Variants in TRPV4 observed in about 807,000 individuals in gnomAD.
TRPV4 encodes the protein transient receptor potential cation channel subfamily V member 4.
TRPV4 carries 58 observed loss-of-function variants against 84.1 expected under a neutral mutation model. That is an observed-to-expected ratio of 0.69 (90% CI 0.56 to 0.86). The LOEUF is 0.86. TRPV4 is among the 40% of genes least tolerant of loss of function. TRPV4 has a pLI of 0.00. For missense variants in TRPV4, 879 were observed against 1,181.1 expected, an observed-to-expected ratio of 0.74 and a Z score of 3.75; for synonymous variants, 489 against 500.9, an observed-to-expected ratio of 0.98 and a Z score of 0.32.
At chr12:109,784,236 G>T in intron 15 of TRPV4, 80 bp downstream of exon 15, 1 of 1,602,298 alleles carries the variant, frequency 6.2e-7, no homozygotes, top group Non-Finnish European at 8.5e-7. Context: ...ACTGAGTCCC[G>T]GAAAGAAGCA....
chr12:109,791,100 T>C (rs60117719), intron 12 of TRPV4, among the ~76,000 whole-genome samples: 4,193 of 152,208 alleles, frequency 0.028, 202 homozygotes, highest in African/African-American at 0.095. Flanking sequence ...AATAGTAAGT[T>C]GGCCTGGTAC....
At chr12:109,799,765 C>A (rs1392129609) in intron 5 of TRPV4, among the ~76,000 whole-genome samples, 2 of 151,608 alleles carry the variant, frequency 1.3e-5, no homozygotes, top group African/African-American at 4.8e-5. Flanking sequence ...TTGTTCTTTT[C>A]TTTTTGCTTT....
At chr12:109,810,929 ACTCTGCTG>A (rs1359402440) in intron 2 of TRPV4, among the ~76,000 whole-genome samples, 1 of 151,950 alleles carries the variant, frequency 6.6e-6, no homozygotes, top group African/African-American at 2.4e-5. Context: ...AACACTGGGC[ACTCTGCTG>A]CTCTGGCCCT....
intron 1 of TRPV4, among the ~76,000 whole-genome samples, chr12:109,824,185 G>A (rs1253584623): frequency 1.1e-4 from 17 of 151,896 alleles, no homozygotes; most frequent in Admixed American, 7.2e-4. Flanking sequence ...GGCTGGTCTC[G>A]AACTCCTGAC....
In TRPV4 at chr12:109,800,722, C is replaced by A. The variant is rs937032628; in HGVS notation, c.749G>T (p.Cys250Phe). 6.8e-6 allele frequency: 11 copies of A among 1,614,042 alleles called. No homozygotes were observed. Among genetic ancestry groups the A allele is most frequent in the Non-Finnish European group, 9.3e-6 (11 of 1,180,028 alleles). The change falls in exon 5 of 16, where the codon TGC becomes TTC. Residue 250 changes from cysteine (C) to phenylalanine (F), a missense_variant. Transcript: ENST00000261740. ...CACGAGAAGTTCCACGTAGTGTTTG[C>A]AGCGACGCTCAATGGCGATGTGCAG... Reference protein sequence around the residue: ...TALHIAIERRCKHYVELLVAQ... With the variant: ...TALHIAIERRFKHYVELLVAQ...
chr12:109,827,022 GATGA>G (rs368514736), intron 1 of TRPV4, among the ~76,000 whole-genome samples: 13 of 152,252 alleles, frequency 8.5e-5, no homozygotes, highest in Non-Finnish European at 1.9e-4. Flanking sequence ...GTATTTGCTG[GATGA>G]ATGAATGAAT....
intron 6 of TRPV4, among the ~76,000 whole-genome samples, chr12:109,797,670 A>C (rs1890492515): frequency 6.6e-6 from 1 of 152,164 alleles, no homozygotes; most frequent in African/African-American, 2.4e-5. Flanking sequence ...CCATGGTATA[A>C]TTGCAATTTT....
chr12:109,799,440 C>T (rs1592840378), intron 5 of TRPV4, among the ~76,000 whole-genome samples: 2 of 152,108 alleles, frequency 1.3e-5, no homozygotes, highest in South Asian at 2.1e-4. Flanking sequence ...TGAGCCACCG[C>T]GCCCAGCTGA....
chr12:109,800,146 T>C (rs1460474484), intron 5 of TRPV4, among the ~76,000 whole-genome samples: 1 of 152,220 alleles, frequency 6.6e-6, no homozygotes, highest in Non-Finnish European at 1.5e-5. Flanking sequence ...TTCACCATCT[T>C]GTTGGCCAGG....
chr12:109,793,906 G>T lies in TRPV4; in HGVS notation c.1584+24C>A. The T allele has an allele frequency of 6.4e-7, 1 of 1,570,776 alleles. No individual in the cohort carries two copies. On this transcript the variant is annotated intron_variant, in intron 9 of 15. Transcript: ENST00000261740. The surrounding 1 kb of genome is among the most constrained non-coding windows in gnomAD (Gnocchi z 4.0). Reference sequence around the variant, plus strand: ...GAGAAGAGGAGGGCAGGCAGGGTGGGGGGCACGGGGGCCAGGCACTTACGT... The same window carrying T: ...GAGAAGAGGAGGGCAGGCAGGGTGGTGGGCACGGGGGCCAGGCACTTACGT...
chr12:109,786,843 G>C lies in TRPV4; in HGVS notation c.2209-6C>G, dbSNP rs1302348135. Reference sequence around the variant, plus strand: ...TCCAGGATGGTGGTGGCCCACTGCGGGGAGGGAGGGTCAGGAGGGACATCG... The same window carrying C: ...TCCAGGATGGTGGTGGCCCACTGCGCGGAGGGAGGGTCAGGAGGGACATCG... On this transcript the variant is annotated splice_region_variant and splice_polypyrimidine_tract_variant and intron_variant, in intron 13 of 15. Coordinates refer to ENST00000261740, the MANE Select transcript of TRPV4 (RefSeq NM_021625.5). This position sits in a 1 kb window ranked among gnomAD's most constrained non-coding sequence, Gnocchi z 4.5. 1 of 1,613,748 alleles carries C rather than the reference G, an allele frequency of 6.2e-7. No individual in the cohort carries two copies. Among genetic ancestry groups the C allele is most frequent in the Non-Finnish European group, 8.5e-7 (1 of 1,179,918 alleles).
chr12:109,810,656 A>G (rs552720208), intron 2 of TRPV4, among the ~76,000 whole-genome samples: 7 of 152,214 alleles, frequency 4.6e-5, no homozygotes, highest in Non-Finnish European at 1.0e-4. Context: ...AGGCACAGAT[A>G]CAGCCTCTAA....
intron 3 of TRPV4, among the ~76,000 whole-genome samples, chr12:109,807,122 C>G (rs138795749): frequency 4.0e-4 from 61 of 151,810 alleles, no homozygotes; most frequent in African/African-American, 1.3e-3. Context: ...ACTAAAAATA[C>G]AAAATTAGCC....
chr12:109,789,830 A>G (rs933889469), intron 12 of TRPV4, among the ~76,000 whole-genome samples: 1 of 152,226 alleles, frequency 6.6e-6, no homozygotes, highest in Admixed American at 6.5e-5. Context: ...ACTCACCGGA[A>G]AAACTGTTCT....
At chr12:109,820,149 G>T (rs1479897899) in intron 1 of TRPV4, among the ~76,000 whole-genome samples, 2 of 152,122 alleles carry the variant, frequency 1.3e-5, no homozygotes, top group Non-Finnish European at 2.9e-5. Flanking sequence ...ATCCCTTTGG[G>T]GGCAGACCTT....
intron 7 of TRPV4, 111 bp from the exon 8 acceptor site, chr12:109,794,598 T>G: frequency 8.9e-7 from 1 of 1,120,598 alleles, no homozygotes; most frequent in Non-Finnish European, 1.3e-6. Context: ...CGCTTTCTCT[T>G]TCCATCCATT....
At position 109,796,740 on chromosome 12, in the gene TRPV4, C is replaced by A; in HGVS notation, c.1153-36G>T. On this transcript the variant is annotated intron_variant, in intron 6 of 15. Transcript: ENST00000261740. This position sits in a 1 kb window ranked among gnomAD's most constrained non-coding sequence, Gnocchi z 4.2. ...GGCCAGGAGGGTCAGGGGGCTCACA[C>A]TGGAAAGACCCCCAGGGCTGGGCCC... 1.3e-6 allele frequency: 2 copies of A among 1,585,690 alleles called. No homozygotes were observed. The highest frequency in any genetic ancestry group is 1.7e-6 in the Non-Finnish European group (2 of 1,164,074).
chr12:109,831,647 C>T (rs969978909), intron 1 of TRPV4, among the ~76,000 whole-genome samples: 2 of 152,244 alleles, frequency 1.3e-5, no homozygotes, highest in Non-Finnish European at 2.9e-5. Context: ...GGAGGAACCT[C>T]CACAGCCCCT....
chr12:109,817,622 C>T (rs1361179718), intron 1 of TRPV4, among the ~76,000 whole-genome samples: 6 of 152,184 alleles, frequency 3.9e-5, no homozygotes, highest in South Asian at 2.1e-4. Context: ...CGGCAAGTCA[C>T]GCCGCGATCA....
Sources: allele counts gnomAD v4.1 joint callset (sites outside exome capture counted in the v4.1 genomes callset), GRCh38; gene constraint gnomAD v4.1.1; non-coding constraint Gnocchi (gnomAD v3.1); transcripts MANE v1.5; gene names NCBI Gene and HGNC (gene_info 2026-07-23, HGNC 2026-07-21).